The following ATP6V1E2 variants were observed in gnomAD, a reference collection of about 807,000 sequenced individuals.
ATP6V1E2 encodes ATPase H+ transporting V1 subunit E2.
For synonymous variants in ATP6V1E2, 121 were observed against 104.2 expected (o/e 1.16, Z -0.98); for missense variants, 308 against 273.3 (o/e 1.13, Z -0.90).
At chr2:46,516,590 T>A (rs1687720875) in intron 4 of ATP6V1E2, among the ~76,000 whole-genome samples, 1 of 152,086 alleles carries the variant, frequency 6.6e-6, no homozygotes, top group Admixed American at 6.5e-5. Flanking sequence ...TGAGACCCTA[T>A]CTCTAAAAAA....
chr2:46,512,185 T>C lies in ATP6V1E2; in HGVS notation c.527A>G (p.Asn176Ser). The C allele has an allele frequency of 1.2e-6, 2 of 1,614,210 alleles. No individual in the cohort carries two copies. The highest frequency in any genetic ancestry group is 1.7e-6 in the Non-Finnish European group (2 of 1,180,032). Reference protein sequence around the residue: ...QIDKEAYLAVNAAGGVEVYSG... With the variant: ...QIDKEAYLAVSAAGGVEVYSG... ...GTAGACCTCCACACCTCCAGCTGCA[T>C]TCACAGCCAGGTATGCCTCTTTATC... The change falls in exon 5 of 5, where the codon AAT becomes AGT. Residue 176 changes from asparagine to serine, a missense_variant. Transcript: ENST00000522587.
At chr2:46,516,594 TA>T (rs1558656450) in intron 4 of ATP6V1E2, among the ~76,000 whole-genome samples, 2 of 151,950 alleles carry the variant, frequency 1.3e-5, no homozygotes, top group Admixed American at 1.3e-4. Context: ...ACCCTATCTC[TA>T]AAAAAAATTT....
In ATP6V1E2 at chr2:46,530,015, C is replaced by G. The variant is rs1167525785; in HGVS notation, c.-102+5798G>C. On this transcript the variant is annotated intron_variant, in intron 4 of 4. Coordinates refer to ENST00000522587, the MANE Select transcript of ATP6V1E2 (RefSeq NM_001318063.2). The surrounding 1 kb of genome is among the most constrained non-coding windows in gnomAD (Gnocchi z 5.2). ...AGAAATTATTTCAGTATATTTATAA[C>G]CTGTCCTGTTACATTGTTGCAAAGG... Among the ~76,000 whole-genome samples, 1 of 152,112 alleles carries G rather than the reference C, an allele frequency of 6.6e-6. No individual in the cohort carries two copies. The highest frequency in any genetic ancestry group is 2.4e-5 in the African/African-American group (1 of 41,420).
At chr2:46,522,477 T>G (rs1666690096) in intron 4 of ATP6V1E2, among the ~76,000 whole-genome samples, 1 of 151,540 alleles carries the variant, frequency 6.6e-6, no homozygotes, top group African/African-American at 2.4e-5. Context: ...CCACTATGAG[T>G]GAGAACATGC....
rs147271327 is a variant in ATP6V1E2 at position 46,512,418 on chromosome 2, C to T, written c.294G>A (p.Ala98=). The T allele has an allele frequency of 9.9e-6, 16 of 1,614,044 alleles. No homozygotes were observed. Among genetic ancestry groups the T allele is most frequent in the African/African-American group, 1.3e-5 (1 of 74,914 alleles). The change falls in exon 5 of 5, where the codon GCG becomes GCA. Residue 98 remains alanine (A), a synonymous_variant. Transcript: ENST00000522587. ...NDLISDLLSE[A]KLRLSRIVED... Reference sequence around the variant, plus strand: ...CCACAATCCTGCTGAGTCTCAGCTTCGCCTCACTGAGCAAATCTGAGATGA... The same window carrying T: ...CCACAATCCTGCTGAGTCTCAGCTTTGCCTCACTGAGCAAATCTGAGATGA...
intron 4 of ATP6V1E2, chr2:46,519,782 CTAT>C (rs2103854139): frequency 6.6e-6 from 1 of 152,358 alleles, no homozygotes; most frequent in Admixed American, 6.5e-5. Context: ...ACCACTACTA[CTAT>C]TATTGTCCTC....
intron 4 of ATP6V1E2, among the ~76,000 whole-genome samples, chr2:46,533,186 AGT>A (rs1271325461): frequency 6.8e-6 from 1 of 147,732 alleles, no homozygotes; most frequent in Admixed American, 6.8e-5. Context: ...TATCATATAT[AGT>A]GTGTGCATGT....
At chr2:46,533,993 T>G (rs1667318299) in intron 4 of ATP6V1E2, among the ~76,000 whole-genome samples, 2 of 152,200 alleles carry the variant, frequency 1.3e-5, no homozygotes, top group South Asian at 4.1e-4. Context: ...TGCTTTTAAT[T>G]TTTTTCTACT....
At chr2:46,538,374 C>T (rs900572925) in intron 2 of ATP6V1E2, among the ~76,000 whole-genome samples, 1 of 152,162 alleles carries the variant, frequency 6.6e-6, no homozygotes. Flanking sequence ...CTGCCACTTA[C>T]CAGCTGTGTG....
At chr2:46,526,113 T>TTTATTA (rs1034206334) in intron 4 of ATP6V1E2, among the ~76,000 whole-genome samples, 15 of 152,076 alleles carry the variant, frequency 9.9e-5, no homozygotes, top group African/African-American at 3.4e-4. Flanking sequence ...GTGTACATTA[T>TTTATTA]TTATTATTAT....
rs764530051 is a variant in ATP6V1E2 at position 46,512,592 on chromosome 2, A to C, written c.120T>G (p.Ile40Met). 9 of 1,614,046 alleles carry C rather than the reference A, an allele frequency of 5.6e-6. No individual in the cohort carries two copies. The highest frequency in any genetic ancestry group is 7.6e-6 in the Non-Finnish European group (9 of 1,180,012). ...GGGTTTGCACGAGGCGTCCTTTCTC[A>C]ATGTTAAACTCTTCCTCAGCCTTGG... ...IDAKAEEEFN[I>M]EKGRLVQTQR... is the part of the protein sequence containing the mutation. The change falls in exon 5 of 5, where the codon ATT becomes ATG. Residue 40 changes from isoleucine to methionine, a missense_variant. By Grantham distance (10) the Ile-to-Met change is conservative (BLOSUM62 1). Coordinates refer to ENST00000522587, the MANE Select transcript of ATP6V1E2 (RefSeq NM_001318063.2).
chr2:46,518,143 T>C (rs1431347040), intron 4 of ATP6V1E2, among the ~76,000 whole-genome samples: 1 of 152,172 alleles, frequency 6.6e-6, no homozygotes, highest in Non-Finnish European at 1.5e-5. Context: ...GGTGTATACA[T>C]AAAATGGAAT....
chr2:46,513,205 TAATCCAGCCAGGATTG>T (rs972837994), intron 4 of ATP6V1E2, among the ~76,000 whole-genome samples: 8 of 77,948 alleles, frequency 1.0e-4, no homozygotes, highest in Admixed American at 3.0e-4. Flanking sequence ...AGCCAGGATT[TAATCCAGCCAGGATTG>T]AATCCTTCCT....
In ATP6V1E2 at chr2:46,527,428, A is replaced by G. The variant is rs371907032; in HGVS notation, c.-102+8385T>C. On this transcript the variant is annotated intron_variant, in intron 4 of 4. Transcript: ENST00000522587. ...AGTAGAGACAGGGTTTCACCATGTT[A>G]GCCAGGATGGTCTCGATCTCCTGAC... is the stretch of plus-strand genomic sequence containing the variant. Among the ~76,000 whole-genome samples, 19 of 152,206 alleles carry G rather than the reference A, an allele frequency of 1.2e-4. No individual in the cohort carries two copies. The South Asian group carries it at 2.1e-3, about 17-fold the overall frequency.
At position 46,542,320 on chromosome 2, in the gene ATP6V1E2, G is replaced by C. The variant is rs1667825608; in HGVS notation, c.-477C>G. 6.6e-6 allele frequency: 1 copy of C among 151,738 alleles called. No individual in the cohort carries two copies. Among genetic ancestry groups the C allele is most frequent in the South Asian group, 2.1e-4 (1 of 4,822 alleles). 9.4% of individuals were successfully genotyped at this position (151,738 alleles called of 1,614,324 possible). ...GAGGTGAAATATGCATGTATAATTT[G>C]GCATGACTATTGCGTCATCGTGGAG... On this transcript the variant is annotated 5_prime_UTR_variant, in exon 1 of 5. Transcript: ENST00000522587.
In ATP6V1E2 at chr2:46,511,922, G is replaced by T; in HGVS notation, c.*109C>A. ...AAAGGGTATTTCGTGAAGAAAAACA[G>T]AACAGTATCAGAGCATCAAAGAGGA... On this transcript the variant is annotated 3_prime_UTR_variant, in exon 5 of 5. Coordinates refer to ENST00000522587, the MANE Select transcript of ATP6V1E2 (RefSeq NM_001318063.2). 1.0e-6 allele frequency: 1 copy of T among 987,664 alleles called. No individual in the cohort carries two copies. Among genetic ancestry groups the T allele is most frequent in the Non-Finnish European group, 1.5e-6 (1 of 686,336 alleles). 61.2% of individuals were successfully genotyped at this position (987,664 alleles called of 1,614,324 possible).
chr2:46,532,367 G>T (rs1667225264), intron 4 of ATP6V1E2, among the ~76,000 whole-genome samples: 1 of 149,528 alleles, frequency 6.7e-6, no homozygotes, highest in African/African-American at 2.5e-5. Context: ...TTTACTGTTG[G>T]CTTATTAAAA....
At chr2:46,526,274 C>T (rs558238294) in intron 4 of ATP6V1E2, among the ~76,000 whole-genome samples, 1 of 152,028 alleles carries the variant, frequency 6.6e-6, no homozygotes, top group African/African-American at 2.4e-5. Flanking sequence ...CATCACCATG[C>T]CTGGCTAATT....
intron 4 of ATP6V1E2, chr2:46,518,801 T>A (rs1231677358): frequency 1.9e-5 from 2 of 107,334 alleles, no homozygotes; most frequent in Non-Finnish European, 4.0e-5. Flanking sequence ...TGTGTGTGTG[T>A]GTGTGTGTGT....
Sources: allele counts gnomAD v4.1 joint callset (sites outside exome capture counted in the v4.1 genomes callset), GRCh38; gene constraint gnomAD v4.1.1; non-coding constraint Gnocchi (gnomAD v3.1); transcripts MANE v1.5; gene names NCBI Gene and HGNC (gene_info 2026-07-23, HGNC 2026-07-21).